PAK5: variants seen among roughly 807,000 people sequenced by gnomAD.
PAK5 encodes the protein p21 (RAC1) activated kinase 5.
A neutral mutation model predicts 65.9 loss-of-function variants in PAK5; 16 were observed. The ratio of observed to expected loss-of-function variants is 0.24; its 90% CI spans 0.16 to 0.37. PAK5 has a LOEUF of 0.37. PAK5 is among the 10% of genes least tolerant of loss of function. The pLI is 1.00. For missense variants in PAK5, 785 were observed against 903.9 expected (o/e 0.87, Z 1.69); for synonymous variants, 371 against 354.9 (o/e 1.05, Z -0.51).
intron 4 of PAK5, among the ~76,000 whole-genome samples, chr20:9,572,064 G>T (rs1179676368): frequency 7.5e-6 from 1 of 133,160 alleles, no homozygotes; most frequent in Non-Finnish European, 1.6e-5. Context: ...CAAATTAAGG[G>T]TTTTTTTTTT....
At chr20:9,610,866 A>C (rs1304545198) in intron 3 of PAK5, among the ~76,000 whole-genome samples, 1 of 152,142 alleles carries the variant, frequency 6.6e-6, no homozygotes, top group Non-Finnish European at 1.5e-5. Context: ...GCCCTTATAA[A>C]AGGTTAAGGG....
intron 2 of PAK5, among the ~76,000 whole-genome samples, chr20:9,704,728 G>C (rs2047984330): frequency 6.6e-6 from 1 of 152,154 alleles, no homozygotes; most frequent in Admixed American, 6.5e-5. Flanking sequence ...GATAGGAAAT[G>C]AAGCAGGGAA....
chr20:9,618,946 T>TTTTTTTTTTTTTC (rs1569002796), intron 3 of PAK5, among the ~76,000 whole-genome samples: 1 of 134,148 alleles, frequency 7.5e-6, no homozygotes, highest in African/African-American at 3.0e-5. Flanking sequence ...TTTTTTTTTT[T>TTTTTTTTTTTTTC]TTTAATCTCA....
chr20:9,693,211 A>C (rs770849736), intron 2 of PAK5, among the ~76,000 whole-genome samples: 7 of 152,170 alleles, frequency 4.6e-5, no homozygotes, highest in Non-Finnish European at 4.4e-5. Context: ...CTCTTTCAGA[A>C]AGGGGATAAA....
At chr20:9,687,455 A>C (rs891220266) in intron 2 of PAK5, among the ~76,000 whole-genome samples, 3 of 152,158 alleles carry the variant, frequency 2.0e-5, no homozygotes, top group Admixed American at 1.3e-4. Context: ...TTTTATTCTA[A>C]AACTCCAATT....
At chr20:9,674,937 A>T (rs914271185) in intron 2 of PAK5, among the ~76,000 whole-genome samples, 1 of 152,158 alleles carries the variant, frequency 6.6e-6, no homozygotes, top group Non-Finnish European at 1.5e-5. Context: ...TCAGAGAAGG[A>T]GCTAGCTGCA....
At chr20:9,775,647 G>T (rs2048879909) in intron 1 of PAK5, among the ~76,000 whole-genome samples, 1 of 152,044 alleles carries the variant, frequency 6.6e-6, no homozygotes. Flanking sequence ...CTTAACCAAG[G>T]TAATTATTAC....
intron 1 of PAK5, among the ~76,000 whole-genome samples, chr20:9,789,870 C>T (rs1476183400): frequency 2.6e-5 from 4 of 152,080 alleles, no homozygotes; most frequent in African/African-American, 7.2e-5. Context: ...AGGAATGATA[C>T]CAACAAAATG....
intron 2 of PAK5, among the ~76,000 whole-genome samples, chr20:9,700,369 C>T (rs566149259): frequency 6.6e-6 from 1 of 152,254 alleles, no homozygotes; most frequent in East Asian, 1.9e-4. Context: ...TGTGACTGTG[C>T]CACTGCACTC....
chr20:9,791,976 C>T (rs2049054812), intron 1 of PAK5, among the ~76,000 whole-genome samples: 1 of 152,122 alleles, frequency 6.6e-6, no homozygotes, highest in South Asian at 2.1e-4. Context: ...ACCTCCTTCA[C>T]AGATAGAACA....
intron 4 of PAK5, among the ~76,000 whole-genome samples, chr20:9,571,887 T>TGGG (rs1603220194): frequency 2.0e-4 from 10 of 49,800 alleles, no homozygotes; most frequent in African/African-American, 4.1e-4. Flanking sequence ...GGGGGGGGGA[T>TGGG]GTGGTCTTAA....
chr20:9,666,201 AC>A (rs1218535254), intron 2 of PAK5, among the ~76,000 whole-genome samples: 2 of 152,146 alleles, frequency 1.3e-5, no homozygotes, highest in African/African-American at 4.8e-5. Context: ...ATATTTACAG[AC>A]ATGCCCTCCA....
At chr20:9,808,551 G>A (rs992849) in intron 1 of PAK5, among the ~76,000 whole-genome samples, 96,086 of 152,106 alleles carry the variant, frequency 0.63, 30,827 homozygotes, top group African/African-American at 0.72. Flanking sequence ...CACAGAAAGG[G>A]ATGAAATACT....
chr20:9,720,466 T>G (rs1270402814), intron 1 of PAK5, among the ~76,000 whole-genome samples: 1 of 152,164 alleles, frequency 6.6e-6, no homozygotes, highest in African/African-American at 2.4e-5. Context: ...TATATCACCA[T>G]AACACACATT....
intron 2 of PAK5, among the ~76,000 whole-genome samples, chr20:9,665,593 C>T (rs1286278433): frequency 2.6e-5 from 4 of 152,082 alleles, no homozygotes; most frequent in Non-Finnish European, 5.9e-5. Flanking sequence ...AGTCATCCTC[C>T]CACCTCAGCC....
chr20:9,665,531 GGAGT>G (rs2047405210), intron 2 of PAK5, among the ~76,000 whole-genome samples: 1 of 151,712 alleles, frequency 6.6e-6, no homozygotes. Flanking sequence ...GACCCAGACT[GGAGT>G]GCAGTGGCAT....
intron 1 of PAK5, among the ~76,000 whole-genome samples, chr20:9,765,799 G>C (rs1276573764): frequency 6.6e-6 from 1 of 152,156 alleles, no homozygotes. Flanking sequence ...AAGAAGACTT[G>C]AGAGGAAATT....
intron 2 of PAK5, among the ~76,000 whole-genome samples, chr20:9,682,890 A>G (rs1169933217): frequency 6.6e-6 from 1 of 152,196 alleles, no homozygotes; most frequent in Non-Finnish European, 1.5e-5. Flanking sequence ...AAAAATGTCT[A>G]ATGATGTTCA....
intron 2 of PAK5, among the ~76,000 whole-genome samples, chr20:9,654,638 T>A (rs932788189): frequency 6.6e-6 from 1 of 152,200 alleles, no homozygotes; most frequent in Non-Finnish European, 1.5e-5. Flanking sequence ...AGACCTTTTC[T>A]ATGACTTCTC....
Sources: allele counts gnomAD v4.1 joint callset (sites outside exome capture counted in the v4.1 genomes callset), GRCh38; gene constraint gnomAD v4.1.1; transcripts MANE v1.5; gene names NCBI Gene and HGNC (gene_info 2026-07-23, HGNC 2026-07-21).